The following DNAH14 variants were observed in gnomAD, a reference collection of about 807,000 sequenced individuals.
DNAH14 encodes dynein axonemal heavy chain 14.
DNAH14 carries 478 observed loss-of-function variants against 520.9 expected under a neutral mutation model. The ratio of observed to expected loss-of-function variants is 0.92; its 90% CI spans 0.85 to 0.99. The LOEUF (loss-of-function observed/expected upper bound fraction) is 0.99, where lower values mean the gene tolerates loss of function less well. DNAH14 is among the 50% of genes least tolerant of loss of function. The pLI is 0.00. For missense variants in DNAH14, 4,831 were observed against 5,234.5 expected (o/e 0.92, Z 2.38); for synonymous variants, 1,581 against 1,757.2 (o/e 0.90, Z 2.51).
At position 225,373,286 on chromosome 1, in the gene DNAH14, C is replaced by T. The variant is rs534771066; in HGVS notation, c.12319-1402C>T. Among the ~76,000 whole-genome samples the T allele has an allele frequency of 4.6e-5, 7 of 151,988 alleles. No homozygotes were observed. The South Asian group carries it at 1.5e-3, about 32-fold the overall frequency. ...CCGCCAGATCACGAGGTCAGGAGAT[C>T]GAGACCATGCTGGTTAACACAGTGA... On this transcript the variant is annotated intron_variant, in intron 77 of 85. Coordinates refer to ENST00000682510, the MANE Select transcript of DNAH14 (RefSeq NM_001367479.1).
At chr1:225,044,089 A>G (rs1359537995) in intron 15 of DNAH14, 106 bp downstream of exon 15, 4 of 629,682 alleles carry the variant, frequency 6.4e-6, no homozygotes, top group Non-Finnish European at 1.1e-5. Flanking sequence ...ATGTTACAGA[A>G]TATTAGTATA....
At chr1:225,274,200 T>TTTTTTTTTTTG (rs2093399404) in intron 52 of DNAH14, among the ~76,000 whole-genome samples, 2 of 114,132 alleles carry the variant, frequency 1.8e-5, no homozygotes, top group African/African-American at 8.9e-5. Context: ...ATCTGTTATT[T>TTTTTTTTTTTG]TTTTTTTTTT....
At chr1:225,252,884 A>C (rs1274767303) in intron 44 of DNAH14, among the ~76,000 whole-genome samples, 1 of 152,214 alleles carries the variant, frequency 6.6e-6, no homozygotes, top group East Asian at 1.9e-4. Context: ...CTGCATCTAC[A>C]TATAGCAGAA....
intron 10 of DNAH14, among the ~76,000 whole-genome samples, chr1:225,014,745 G>A (rs2065074974): frequency 6.6e-6 from 1 of 152,152 alleles, no homozygotes; most frequent in Admixed American, 6.5e-5. Flanking sequence ...TGTTCCATGT[G>A]CTGATGAAAA....
chr1:224,947,078 C>T (rs770784362), intron 1 of DNAH14, among the ~76,000 whole-genome samples: 14 of 151,712 alleles, frequency 9.2e-5, no homozygotes, highest in Admixed American at 2.6e-4. Flanking sequence ...CCACCACGCT[C>T]GGCTAATTTT....
intron 23 of DNAH14, among the ~76,000 whole-genome samples, chr1:225,114,389 C>T (rs2076706672): frequency 6.6e-6 from 1 of 152,268 alleles, no homozygotes; most frequent in Non-Finnish European, 1.5e-5. Context: ...TTAGTCTTCC[C>T]TCTCCTGTCC....
intron 21 of DNAH14, among the ~76,000 whole-genome samples, chr1:225,089,970 A>G (rs1183770414): frequency 6.6e-6 from 1 of 152,188 alleles, no homozygotes; most frequent in African/African-American, 2.4e-5. Flanking sequence ...GTACTGAAGT[A>G]AGAAAGAGAA....
Position 225,367,804 on chromosome 1 carries a change from GATTGCCGTGGA to G in DNAH14, c.12093_12103del (p.Ala4032SerfsTer7), listed in dbSNP as rs1280093075. 6.5e-7 allele frequency: 1 copy of G among 1,549,572 alleles called. No individual in the cohort carries two copies. Among genetic ancestry groups the G allele is most frequent in the Non-Finnish European group, 8.7e-7 (1 of 1,145,328 alleles). ...CCATTTTACTCACATCTGTTTTCAA[GATTGCCGTGGA>G]ATCTCCCCAGGGATTGAAAAGTAAC... On this transcript the variant is annotated frameshift_variant and splice_region_variant, in exon 77 of 86. Coordinates refer to ENST00000682510, the MANE Select transcript of DNAH14 (RefSeq NM_001367479.1). LOFTEE classifies it high-confidence loss of function.
At chr1:224,976,495 A>G (rs1413303870) in intron 8 of DNAH14, among the ~76,000 whole-genome samples, 2 of 152,204 alleles carry the variant, frequency 1.3e-5, no homozygotes, top group African/African-American at 4.8e-5. Flanking sequence ...ATGGGATCTA[A>G]TTAAACTAAA....
intron 27 of DNAH14, among the ~76,000 whole-genome samples, chr1:225,126,109 C>G (rs965147885): frequency 7.9e-5 from 12 of 152,036 alleles, no homozygotes; most frequent in African/African-American, 2.7e-4. Context: ...ATAGTAACAT[C>G]CAAGATCATT....
intron 10 of DNAH14, among the ~76,000 whole-genome samples, chr1:225,013,748 A>G (rs528417865): frequency 6.6e-6 from 1 of 152,216 alleles, no homozygotes; most frequent in South Asian, 2.1e-4. Flanking sequence ...GGCTTTGTTT[A>G]CACTGTGAGG....
intron 81 of DNAH14, among the ~76,000 whole-genome samples, chr1:225,387,242 G>A (rs368809693): frequency 1.3e-5 from 2 of 151,882 alleles, no homozygotes; most frequent in Non-Finnish European, 2.9e-5. Context: ...TGTCATGTGT[G>A]GGGGGGAGGG....
intron 8 of DNAH14, among the ~76,000 whole-genome samples, chr1:224,977,023 A>G (rs1031686640): frequency 7.9e-5 from 12 of 151,262 alleles, no homozygotes; most frequent in Non-Finnish European, 1.5e-4. Flanking sequence ...ATGCTGCTAT[A>G]AAGACACATG....
intron 72 of DNAH14, among the ~76,000 whole-genome samples, chr1:225,352,426 T>C (rs2095378113): frequency 6.6e-6 from 1 of 152,158 alleles, no homozygotes; most frequent in Non-Finnish European, 1.5e-5. Flanking sequence ...AATTATATTA[T>C]GCAATAACAT....
Position 225,082,654 on chromosome 1 carries a change from G to T in DNAH14, c.3242G>T (p.Arg1081Met). Residue 1081 changes from arginine to methionine, a missense_variant, in exon 20 of 86, where the codon AGG (arginine) becomes ATG (methionine). Physicochemically the swap from Arg to Met is moderately conservative, Grantham distance 91. Coordinates refer to ENST00000682510, the MANE Select transcript of DNAH14 (RefSeq NM_001367479.1). ...IALGNPCLKP[R>M]HWEALQEIIG... is the part of the protein sequence containing the mutation. ...CTGGGAAATCCCTGTCTCAAGCCAA[G>T]GCATTGGGAGGCTCTCCAGGAGATT... 3 of 1,551,584 alleles carry T rather than the reference G, an allele frequency of 1.9e-6. No individual in the cohort carries two copies. The highest frequency in any genetic ancestry group is 2.6e-6 in the Non-Finnish European group (3 of 1,146,922).
rs748169953 is a variant in DNAH14 at position 225,333,489 on chromosome 1, A to G, written c.10063A>G (p.Met3355Val). Residue 3355 changes from methionine to valine, a missense_variant, in exon 66 of 86, where the codon ATG becomes GTG. Transcript: ENST00000682510. Reference sequence around the variant, plus strand: ...TTCCAAATTCTCTTTAATTAAAGTTATGGCACAAAAATATGAGGTAATAAC... The same window carrying G: ...TTCCAAATTCTCTTTAATTAAAGTTGTGGCACAAAAATATGAGGTAATAAC... ...LSSKFSLIKVMAQKYEISRWH... is the reference protein window; with the variant it reads ...LSSKFSLIKVVAQKYEISRWH... 1.3e-6 allele frequency: 2 copies of G among 1,550,748 alleles called. No individual in the cohort carries two copies. Among genetic ancestry groups the G allele is most frequent in the Non-Finnish European group, 8.7e-7 (1 of 1,146,442 alleles).
intron 8 of DNAH14, among the ~76,000 whole-genome samples, chr1:224,981,750 T>C (rs189587275): frequency 2.6e-5 from 4 of 152,290 alleles, no homozygotes; most frequent in Admixed American, 2.6e-4. Context: ...TTTTGTTTCA[T>C]TTATCTTTTG....
intron 26 of DNAH14, among the ~76,000 whole-genome samples, chr1:225,120,546 A>G (rs2077203724): frequency 6.6e-6 from 1 of 152,222 alleles, no homozygotes; most frequent in South Asian, 2.1e-4. Context: ...TTTGAGTCAA[A>G]TTGTAAACTA....
intron 71 of DNAH14, among the ~76,000 whole-genome samples, chr1:225,347,501 C>T (rs949172044): frequency 6.6e-6 from 1 of 152,104 alleles, no homozygotes; most frequent in Non-Finnish European, 1.5e-5. Context: ...ACAGTGCATC[C>T]AGTGTTCTGG....
Sources: allele counts gnomAD v4.1 joint callset (sites outside exome capture counted in the v4.1 genomes callset), GRCh38; gene constraint gnomAD v4.1.1; transcripts MANE v1.5; gene names NCBI Gene and HGNC (gene_info 2026-07-23, HGNC 2026-07-21).